Variants in TUNAR observed in about 807,000 individuals in gnomAD.
TUNAR encodes transmembrane neural differentiation associated intracellular calcium regulator.
intron 2 of TUNAR, among the ~76,000 whole-genome samples, chr14:95,915,897 CACT>C (rs1482492145): frequency 6.6e-5 from 10 of 152,358 alleles, no homozygotes; most frequent in African/African-American, 2.4e-4. Context: ...TGATGAGGAG[CACT>C]CTGTCTTTCC....
At chr14:95,879,707 G>GTT (rs112002523) in intron 2 of TUNAR, among the ~76,000 whole-genome samples, 28,525 of 147,632 alleles carry the variant, frequency 0.19, 2,902 homozygotes, top group South Asian at 0.24. Context: ...CTTAAATCCA[G>GTT]TTTTTTTTTT....
chr14:95,922,699 C>G (rs1889717022), intron 2 of TUNAR, 82 bp from the exon 2 acceptor site: 2 of 397,242 alleles, frequency 5.0e-6, no homozygotes, highest in Non-Finnish European at 4.4e-6. Context: ...GCAAGCAGAT[C>G]ACTACCCACT....
At chr14:95,913,180 A>T (rs1889546347) in intron 2 of TUNAR, among the ~76,000 whole-genome samples, 2 of 138,684 alleles carry the variant, frequency 1.4e-5, no homozygotes, top group Non-Finnish European at 3.0e-5. Flanking sequence ...AAGTTCTGGG[A>T]TACACGTGCA....
chr14:95,888,807 TG>T (rs71307132), intron 2 of TUNAR, among the ~76,000 whole-genome samples: 27 of 150,564 alleles, frequency 1.8e-4, no homozygotes, highest in South Asian at 4.3e-4. Flanking sequence ...TTCGAGGGGA[TG>T]GGGGGGGCAG....
At chr14:95,917,145 A>G (rs1889617811) in intron 2 of TUNAR, among the ~76,000 whole-genome samples, 1 of 152,226 alleles carries the variant, frequency 6.6e-6, no homozygotes, top group Non-Finnish European at 1.5e-5. Context: ...CTCTACCCCA[A>G]GGTCATACAG....
At chr14:95,919,662 G>A (rs1020524913) in intron 2 of TUNAR, among the ~76,000 whole-genome samples, 4 of 152,124 alleles carry the variant, frequency 2.6e-5, no homozygotes, top group African/African-American at 4.8e-5. Flanking sequence ...GCAGTGAGCC[G>A]TGATCACCCC....
exon 3 of TUNAR, chr14:95,924,117 C>T (rs1889744405): frequency 6.6e-6 from 1 of 152,192 alleles, no homozygotes; most frequent in African/African-American, 2.4e-5. Flanking sequence ...AGGGGGAAAG[C>T]TCGGGATTAG....
chr14:95,882,684 T>C (rs1321547949), intron 2 of TUNAR, among the ~76,000 whole-genome samples: 1 of 152,158 alleles, frequency 6.6e-6, no homozygotes, highest in African/African-American at 2.4e-5. Flanking sequence ...TAATAATCTA[T>C]GATGAGCTGC....
rs536311927 is a variant in TUNAR at position 95,883,003 on chromosome 14, T to C, written c.12+5826T>C. ...TTCAGAGGGCTTTATTGAATACTTC[T>C]AAAACAGTACGTCTATTATCCTTTA... is the stretch of plus-strand genomic sequence containing the variant. On this transcript the variant is annotated intron_variant, in intron 2 of 2. Coordinates refer to ENST00000678517, the Ensembl canonical transcript of TUNAR. Among the ~76,000 whole-genome samples the C allele has an allele frequency of 3.3e-5, 5 of 152,336 alleles. No homozygotes were observed. In the East Asian group the frequency reaches 9.6e-4, roughly 29 times the overall value.
chr14:95,919,606 G>T (rs547555543), intron 2 of TUNAR, among the ~76,000 whole-genome samples: 4 of 152,128 alleles, frequency 2.6e-5, no homozygotes, highest in Non-Finnish European at 5.9e-5. Flanking sequence ...CCAACTGCTT[G>T]GGAGGCTGAG....
chr14:95,902,238 T>G (rs963017924), intron 2 of TUNAR, among the ~76,000 whole-genome samples: 2 of 152,142 alleles, frequency 1.3e-5, no homozygotes, highest in Non-Finnish European at 2.9e-5. Context: ...TGGACAAGTA[T>G]TGGATCAAAA....
chr14:95,913,600 G>A (rs921232716), intron 2 of TUNAR, among the ~76,000 whole-genome samples: 4 of 152,174 alleles, frequency 2.6e-5, no homozygotes, highest in Non-Finnish European at 4.4e-5. Context: ...AATTGGTCTA[G>A]AGAAGTCATA....
At chr14:95,910,058 G>A (rs1360133472) in intron 2 of TUNAR, among the ~76,000 whole-genome samples, 4 of 152,308 alleles carry the variant, frequency 2.6e-5, no homozygotes, top group South Asian at 2.1e-4. Context: ...GATTTAAATC[G>A]CAACTCGGTG....
chr14:95,896,792 T>C (rs1170134377), intron 2 of TUNAR, among the ~76,000 whole-genome samples: 1 of 152,366 alleles, frequency 6.6e-6, no homozygotes, highest in Non-Finnish European at 1.5e-5. Flanking sequence ...AGCAGAGTAC[T>C]CTGCAGTTTG....
At chr14:95,907,223 C>G (rs1217243218) in intron 2 of TUNAR, among the ~76,000 whole-genome samples, 2 of 152,112 alleles carry the variant, frequency 1.3e-5, no homozygotes, top group Admixed American at 1.3e-4. Flanking sequence ...GGTTGCTTTT[C>G]GTATTTTTGC....
intron 2 of TUNAR, among the ~76,000 whole-genome samples, chr14:95,915,989 A>G (rs1372903064): frequency 2.0e-5 from 3 of 152,152 alleles, no homozygotes; most frequent in Non-Finnish European, 4.4e-5. Flanking sequence ...CCCAGTCTTT[A>G]AAACCCTGTG....
chr14:95,922,904 AT>A lies in TUNAR; in HGVS notation c.138del (p.Ile47SerfsTer5), dbSNP rs1209648337. The A allele has an allele frequency of 1.0e-5, 4 of 398,922 alleles. No individual in the cohort carries two copies. The allele number at this position is 398,922 out of a possible 1,614,324, so 24.7% of individuals were successfully genotyped here. A position where few individuals can be genotyped will look rare whatever the true frequency, so the allele number is the denominator to read the frequency against. The stretch of plus-strand genomic sequence containing the variant: ...GGAGAGTGTCTTGGCAATGCTGGGG[AT>A]TATCGGGACCATTCTGAACCTGATT... On this transcript the variant is annotated frameshift_variant, in exon 3 of 3. Transcript: ENST00000678517. LOFTEE classifies it high-confidence loss of function.
intron 2 of TUNAR, among the ~76,000 whole-genome samples, chr14:95,882,179 G>C (rs1213514311): frequency 1.3e-5 from 2 of 152,174 alleles, no homozygotes; most frequent in South Asian, 2.1e-4. Context: ...GCGTGTCCTC[G>C]GTGCGGCCCA....
At chr14:95,893,603 AGTGCCAGG>A (rs1889213673) in intron 2 of TUNAR, among the ~76,000 whole-genome samples, 1 of 149,914 alleles carries the variant, frequency 6.7e-6, no homozygotes, top group Non-Finnish European at 1.5e-5. Context: ...CAGCCAGCAG[AGTGCCAGG>A]GGCATAGCAG....
Sources: allele counts gnomAD v4.1 joint callset (sites outside exome capture counted in the v4.1 genomes callset), GRCh38; gene constraint gnomAD v4.1.1; transcripts MANE v1.5; gene names NCBI Gene and HGNC (gene_info 2026-07-23, HGNC 2026-07-21).